Variants in FRMPD4 observed in about 807,000 individuals in gnomAD.
FRMPD4 encodes the protein FERM and PDZ domain-containing protein 4.
FRMPD4 carries 22 observed loss-of-function variants against 94.1 expected under a neutral mutation model. That is an observed-to-expected ratio of 0.23 (90% CI 0.17 to 0.33). The LOEUF (loss-of-function observed/expected upper bound fraction) is 0.33. FRMPD4 is among the 10% of genes least tolerant of loss of function. FRMPD4 has a pLI of 1.00. For synonymous variants in FRMPD4, 631 were observed against 548.6 expected, an observed-to-expected ratio of 1.15 and a Z score of -2.10; for missense variants, 1,111 against 1,339.9, an observed-to-expected ratio of 0.83 and a Z score of 2.67.
At chrX:11,880,327 G>A (rs2053806645) in intron 3 of FRMPD4, among the ~76,000 whole-genome samples, 1 of 111,562 alleles carries the variant, frequency 9.0e-6, no homozygotes, top group Non-Finnish European at 1.9e-5. Flanking sequence ...TCCTAACACA[G>A]TGCCTGGTTC....
intron 5 of FRMPD4, among the ~76,000 whole-genome samples, chrX:12,681,156 A>G (rs1345372008): frequency 8.9e-6 from 1 of 112,010 alleles, no homozygotes; most frequent in Non-Finnish European, 1.9e-5. Flanking sequence ...GTGAGGTGTG[A>G]CTGCATTAAA....
chrX:12,089,240 A>G (rs1458539778), intron 3 of FRMPD4, among the ~76,000 whole-genome samples: 1 of 112,259 alleles, frequency 8.9e-6, no homozygotes, highest in Non-Finnish European at 1.9e-5. Context: ...TTGGGCTACT[A>G]TGAATGGTGT....
chrX:11,964,153 TTTG>T (rs199751809), intron 3 of FRMPD4, among the ~76,000 whole-genome samples: 4,244 of 106,626 alleles, frequency 0.04, 164 homozygotes, highest in East Asian at 0.19. Flanking sequence ...CAGTGCTTTT[TTTG>T]TTGTTGTTGT....
intron 1 of FRMPD4, among the ~76,000 whole-genome samples, chrX:12,216,711 T>C (rs896529097): frequency 1.2e-4 from 14 of 112,251 alleles, no homozygotes; most frequent in Admixed American, 1.2e-3. Flanking sequence ...TCTCTGAAAC[T>C]GTTGCTTATC....
intron 16 of FRMPD4, among the ~76,000 whole-genome samples, chrX:12,719,173 CATT>C (rs1569077585): frequency 8.9e-6 from 1 of 112,437 alleles, no homozygotes; most frequent in Non-Finnish European, 1.9e-5. Flanking sequence ...TCTGCCATTT[CATT>C]ATTGAGGGAC....
Position 11,854,853 on chromosome X carries a change from G to A in FRMPD4, c.-160-10233G>A, listed in dbSNP as rs919807094. The stretch of plus-strand genomic sequence containing the variant: ...AAGCTGTTGGTGGATCTAACATGCT[G>A]GGGTCTACAGGACGATGGCCTTCTT... On this transcript the variant is annotated intron_variant, in intron 1 of 18. Transcript: ENST00000640291. Among the ~76,000 whole-genome samples the A allele has an allele frequency of 5.4e-5, 6 of 111,613 alleles. No individual in the cohort carries two copies. The Admixed American group carries it at 5.6e-4, about 11-fold the overall frequency.
intron 2 of FRMPD4, among the ~76,000 whole-genome samples, chrX:12,590,033 G>A (rs908078214): frequency 3.8e-5 from 4 of 104,943 alleles, no homozygotes; most frequent in Admixed American, 1.0e-4. Context: ...GTGTGTAGAC[G>A]AGGCTTTATA....
At chrX:11,906,802 C>A (rs1390741124) in intron 3 of FRMPD4, among the ~76,000 whole-genome samples, 1 of 110,577 alleles carries the variant, frequency 9.0e-6, no homozygotes, top group Non-Finnish European at 1.9e-5. Flanking sequence ...TTGAAATATT[C>A]TTTTTTCTCC....
At chrX:12,172,503 G>A (rs1569179605) in intron 1 of FRMPD4, among the ~76,000 whole-genome samples, 1 of 111,701 alleles carries the variant, frequency 9.0e-6, no homozygotes, top group Non-Finnish European at 1.9e-5. Flanking sequence ...CACCTTGCAG[G>A]ACTTGTTAAA....
intron 4 of FRMPD4, among the ~76,000 whole-genome samples, chrX:12,649,518 G>A (rs1311483332): frequency 1.8e-5 from 2 of 111,278 alleles, no homozygotes; most frequent in African/African-American, 3.3e-5. Context: ...CCTGCAACTC[G>A]GTCTGCAGCA....
chrX:12,452,343 G>A (rs1016838961), intron 1 of FRMPD4, among the ~76,000 whole-genome samples: 1 of 111,858 alleles, frequency 8.9e-6, no homozygotes, highest in Non-Finnish European at 1.9e-5. Flanking sequence ...ATTATATCAT[G>A]GAATAACTTT....
intron 3 of FRMPD4, among the ~76,000 whole-genome samples, chrX:12,612,116 C>T (rs969261337): frequency 5.4e-5 from 6 of 111,176 alleles, no homozygotes; most frequent in African/African-American, 2.0e-4. Context: ...ACATTTTTTC[C>T]TAAATGGAAT....
intron 16 of FRMPD4, among the ~76,000 whole-genome samples, chrX:12,720,049 G>GGAAAGAAA (rs199713463): frequency 4.0e-4 from 16 of 39,582 alleles, no homozygotes; most frequent in South Asian, 1.2e-3. Flanking sequence ...GGAAAGGAAA[G>GGAAAGAAA]GAAAGAAAGA....
At chrX:11,969,251 T>C (rs1394758626) in intron 3 of FRMPD4, among the ~76,000 whole-genome samples, 1 of 112,646 alleles carries the variant, frequency 8.9e-6, no homozygotes, top group Admixed American at 9.3e-5. Flanking sequence ...TCTCTCAGTA[T>C]GGCAAAATGC....
intron 3 of FRMPD4, among the ~76,000 whole-genome samples, chrX:12,046,461 A>T (rs1354090606): frequency 9.1e-6 from 1 of 110,008 alleles, no homozygotes; most frequent in Non-Finnish European, 1.9e-5. Flanking sequence ...TCAGATCCCC[A>T]CCGCTTGAGG....
At chrX:11,845,413 G>C (rs1295320273) in intron 1 of FRMPD4, among the ~76,000 whole-genome samples, 3 of 111,094 alleles carry the variant, frequency 2.7e-5, no homozygotes, top group Admixed American at 9.6e-5. Context: ...AAAGAGTCCA[G>C]GACCAGATGG....
chrX:12,609,959 T>C, intron 3 of FRMPD4, 78 bp downstream of exon 3: 1 of 949,374 alleles, frequency 1.1e-6, no homozygotes, highest in East Asian at 3.1e-5. Flanking sequence ...TTCAGTTTCA[T>C]AAGTGTCCAG....
rs183370345 is a variant in FRMPD4 at position 12,142,470 on chromosome X, T to A, written c.41+3458T>A. 4.5e-5 allele frequency among the ~76,000 whole-genome samples: 5 copies of A among 111,408 alleles called. No homozygotes were observed. In the East Asian group the frequency reaches 1.4e-3, roughly 31 times the overall value. ...GGGTTTTTCCCATATCCCCTATTTT[T>A]ACTGAGTAATTGTATTAATATTGCT... On this transcript the variant is annotated intron_variant, in intron 1 of 16. Coordinates refer to ENST00000675598, the MANE Select transcript of FRMPD4 (RefSeq NM_001368397.1).
At chrX:12,159,237 G>A (rs1404412453) in intron 1 of FRMPD4, among the ~76,000 whole-genome samples, 1 of 112,413 alleles carries the variant, frequency 8.9e-6, no homozygotes, top group African/African-American at 3.2e-5. Context: ...ACAGCAGGCT[G>A]AGTTTGAAAG....
Sources: allele counts gnomAD v4.1 joint callset (sites outside exome capture counted in the v4.1 genomes callset), GRCh38; gene constraint gnomAD v4.1.1; transcripts MANE v1.5; gene names NCBI Gene and HGNC (gene_info 2026-07-23, HGNC 2026-07-21).